STAT4: variants seen among roughly 807,000 people sequenced by gnomAD.
STAT4 encodes signal transducer and activator of transcription 4.
A neutral mutation model predicts 110.5 loss-of-function variants in STAT4; 42 were observed. That is an observed-to-expected ratio of 0.38 (90% confidence interval 0.30 to 0.49). The LOEUF is 0.49. Ranked by LOEUF, STAT4 falls within the 20% of genes least tolerant of loss-of-function variation. STAT4 has a pLI of 0.95. For synonymous variants in STAT4, 284 were observed against 302.2 expected (o/e 0.94, Z 0.63); for missense variants, 632 against 887.9 (o/e 0.71, Z 3.66).
chr2:191,080,862 T>G (rs1697448218), intron 3 of STAT4, among the ~76,000 whole-genome samples: 2 of 152,174 alleles, frequency 1.3e-5, no homozygotes, highest in South Asian at 4.1e-4. Context: ...AAAATTTTTT[T>G]TTGTTATACT....
chr2:191,093,297 G>A (rs555959000), intron 3 of STAT4, among the ~76,000 whole-genome samples: 1 of 152,274 alleles, frequency 6.6e-6, no homozygotes, highest in South Asian at 2.1e-4. Context: ...TCCCAGTAGG[G>A]GCTGACTGAC....
Position 191,030,576 on chromosome 2 carries a change from T to C in STAT4, c.2220+396A>G, listed in dbSNP as rs1243475648. ...AAGATAGCAAACTGGGTTTACTAGA[T>C]AGTAAGTAACTAGTAAACTAGATAG... On this transcript the variant is annotated intron_variant, in intron 23 of 23. Coordinates refer to ENST00000392320, the MANE Select transcript of STAT4 (RefSeq NM_003151.4). The surrounding 1 kb of genome is among the most constrained non-coding windows in gnomAD (Gnocchi z 4.4). Among the ~76,000 whole-genome samples the C allele has an allele frequency of 6.6e-6, 1 of 152,050 alleles. No individual in the cohort carries two copies. The highest frequency in any genetic ancestry group is 1.9e-4 in the East Asian group (1 of 5,190).
At chr2:191,048,438 C>G (rs1044809145) in intron 14 of STAT4, among the ~76,000 whole-genome samples, 1 of 152,062 alleles carries the variant, frequency 6.6e-6, no homozygotes, top group Non-Finnish European at 1.5e-5. Context: ...GTCTCACATT[C>G]GCAGGTTCCA....
intron 3 of STAT4, among the ~76,000 whole-genome samples, chr2:191,124,464 A>AC (rs1444764096): frequency 1.7e-4 from 26 of 151,766 alleles, no homozygotes; most frequent in African/African-American, 4.8e-4. Context: ...AAAAAAAAAA[A>AC]AAAAAAAAAA....
intron 3 of STAT4, among the ~76,000 whole-genome samples, chr2:191,095,165 T>TC (rs1697933315): frequency 6.6e-6 from 1 of 152,104 alleles, no homozygotes; most frequent in Admixed American, 6.5e-5. Flanking sequence ...ATTTTTAAAG[T>TC]TGGAGACTTT....
intron 3 of STAT4, among the ~76,000 whole-genome samples, chr2:191,123,322 G>C (rs111889821): frequency 2.0e-5 from 3 of 152,304 alleles, no homozygotes; most frequent in African/African-American, 7.2e-5. Context: ...GTGAAGGCTA[G>C]TTCTAGGTGT....
In STAT4 at chr2:191,033,850, C is replaced by T; in HGVS notation, c.1715+61G>A. The T allele has an allele frequency of 1.4e-6, 2 of 1,442,192 alleles. No individual in the cohort carries two copies. The highest frequency in any genetic ancestry group is 1.9e-6 in the Non-Finnish European group (2 of 1,057,444). The allele number at this position is 1,442,192 out of a possible 1,614,324, so 89.3% of individuals were successfully genotyped here. On this transcript the variant is annotated intron_variant, in intron 19 of 23. Transcript: ENST00000392320. The surrounding 1 kb of genome is among the most constrained non-coding windows in gnomAD (Gnocchi z 6.9). ...TTAAGAGAAAAAGAAAGAAGAAAAC[C>T]AATAACAACAGAAAAAAAGAACATA...
Position 191,058,139 on chromosome 2 carries a change from T to C in STAT4, c.1113-28A>G, listed in dbSNP as rs767203817. 9 of 1,613,562 alleles carry C rather than the reference T, an allele frequency of 5.6e-6. No homozygotes were observed. The highest frequency in any genetic ancestry group is 1.7e-5 in the Admixed American group (1 of 59,978). ...GGAGAGGAAATCTTAGCTATTTACA[T>C]GGTCTCAGGTAAAATAAATTTACAA... On this transcript the variant is annotated intron_variant, in intron 12 of 23. Coordinates refer to ENST00000392320, the MANE Select transcript of STAT4 (RefSeq NM_003151.4). The surrounding 1 kb of genome is among the most constrained non-coding windows in gnomAD (Gnocchi z 4.3).
chr2:191,151,340 C>T (rs576914834), upstream of STAT4: 3,804 of 985,576 alleles, frequency 3.9e-3, 9 homozygotes, highest in Middle Eastern at 4.7e-3. This position sits in a 1 kb window ranked among gnomAD's most constrained non-coding sequence, Gnocchi z 4.7. Flanking sequence ...TTACCTGGAG[C>T]CCAGTTCTTC....
chr2:191,106,146 T>C (rs537520328), intron 3 of STAT4, among the ~76,000 whole-genome samples: 1 of 152,298 alleles, frequency 6.6e-6, no homozygotes, highest in South Asian at 2.1e-4. Flanking sequence ...AATTTTTCTG[T>C]TCTGTTGTCA....
At chr2:191,151,449 A>G, upstream of STAT4, 1 of 985,556 alleles carries the variant, frequency 1.0e-6, no homozygotes, top group Non-Finnish European at 1.2e-6. The surrounding 1 kb of genome is among the most constrained non-coding windows in gnomAD (Gnocchi z 4.7). Context: ...AAACTCATAG[A>G]CCTTACTGGG....
At position 191,107,023 on chromosome 2, in the gene STAT4, G is replaced by C. The variant is rs1382541534; in HGVS notation, c.274-30698C>G. Reference sequence around the variant, plus strand: ...TTGGATTGTCAGTCAAGTGATATTTGGACTTGATAGACACATGTATGAAAT... The same window carrying C: ...TTGGATTGTCAGTCAAGTGATATTTCGACTTGATAGACACATGTATGAAAT... On this transcript the variant is annotated intron_variant, in intron 3 of 23. Transcript: ENST00000392320. This position sits in a 1 kb window ranked among gnomAD's most constrained non-coding sequence, Gnocchi z 4.2. Among the ~76,000 whole-genome samples, 2 of 152,136 alleles carry C rather than the reference G, an allele frequency of 1.3e-5. No individual in the cohort carries two copies. The highest frequency in any genetic ancestry group is 4.8e-5 in the African/African-American group (2 of 41,426).
Position 191,050,822 on chromosome 2 carries a change from TA to T in STAT4, c.1251+3667del. On this transcript the variant is annotated intron_variant, in intron 14 of 23. Transcript: ENST00000392320. The surrounding 1 kb of genome is among the most constrained non-coding windows in gnomAD (Gnocchi z 4.3). ...GCAACTTCTTCCTTTCACCCAATCC[TA>T]AAGCCAGGAGCCCCTGTACGTCCTG... Among the ~76,000 whole-genome samples the T allele has an allele frequency of 6.6e-6, 1 of 152,164 alleles. No individual in the cohort carries two copies.
intron 3 of STAT4, among the ~76,000 whole-genome samples, chr2:191,124,002 G>A (rs1698808711): frequency 6.6e-6 from 1 of 152,126 alleles, no homozygotes. Flanking sequence ...CTTAGAAACT[G>A]CTGATTTCAG....
rs1012727989 is a variant in STAT4 at position 191,092,909 on chromosome 2, C to T, written c.274-16584G>A. Among the ~76,000 whole-genome samples, 7 of 152,198 alleles carry T rather than the reference C, an allele frequency of 4.6e-5. No individual in the cohort carries two copies. The East Asian group carries it at 9.6e-4, about 21-fold the overall frequency. ...GGGAGATTATATCCCACACGTGGCTCGGTGGGTCCCATGCCCATGGAGCCT... is the reference window on the plus strand; with the variant it reads ...GGGAGATTATATCCCACACGTGGCTTGGTGGGTCCCATGCCCATGGAGCCT... On this transcript the variant is annotated intron_variant, in intron 3 of 23. Transcript: ENST00000392320.
chr2:191,129,954 A>G (rs1478631668), intron 3 of STAT4, among the ~76,000 whole-genome samples: 1 of 151,942 alleles, frequency 6.6e-6, no homozygotes, highest in African/African-American at 2.4e-5. Context: ...TTAATTTCTT[A>G]TGTAGTCTAT....
chr2:191,076,206 C>T, intron 4 of STAT4, 21 bp downstream of exon 4: 1 of 1,597,744 alleles, frequency 6.3e-7, no homozygotes, highest in Admixed American at 1.7e-5. Flanking sequence ...ATAACAAGAT[C>T]ACAAGGTCAG....
rs117433067 is a variant in STAT4, at chr2:191,101,608, C to T, written c.274-25283G>A. Among the ~76,000 whole-genome samples the T allele has an allele frequency of 8.0e-3, 1,215 of 152,182 alleles. 15 individuals carry two copies. The highest frequency in any genetic ancestry group is 0.041 in the Middle Eastern group (12 of 292). ...TTAAACCAACCTCATTAAATTATAG[C>T]ATTAACATCTCATTCATTTATGGTT... On this transcript the variant is annotated intron_variant, in intron 3 of 23. Coordinates refer to ENST00000392320, the MANE Select transcript of STAT4 (RefSeq NM_003151.4).
chr2:191,076,119 G>T, intron 4 of STAT4, 108 bp downstream of exon 4: 2 of 879,670 alleles, frequency 2.3e-6, no homozygotes, highest in Non-Finnish European at 3.6e-6. Flanking sequence ...CTCCCAAAGT[G>T]TTAGGATTAC....
Sources: gnomAD v4.1 joint callset for allele counts (sites outside exome capture counted in the v4.1 genomes callset) on GRCh38, gnomAD v4.1.1 for gene constraint, Gnocchi (gnomAD v3.1) non-coding constraint, MANE v1.5 for transcripts, NCBI Gene and HGNC (gene_info 2026-07-23, HGNC 2026-07-21) for gene names.